MBD2: variants seen among roughly 807,000 people sequenced by gnomAD.
MBD2 encodes the protein methyl-CpG binding domain protein 2.
In MBD2, 9 loss-of-function variants were observed where a neutral mutation model predicts 39.3. The observed-to-expected ratio is 0.23, with a 90% confidence interval of 0.14 to 0.40. The LOEUF (loss-of-function observed/expected upper bound fraction) is 0.40, where lower values mean the gene tolerates loss of function less well. Among genes scored for constraint, MBD2 ranks in the 10% least tolerant of loss-of-function variants. MBD2 has a pLI of 1.00. For missense variants in MBD2, 458 were observed against 532.6 expected (o/e 0.86, Z 1.38); for synonymous variants, 233 against 211.1 (o/e 1.10, Z -0.90).
chr18:54,189,373 G>A (rs1251280726), intron 2 of MBD2, among the ~76,000 whole-genome samples: 1 of 148,512 alleles, frequency 6.7e-6, no homozygotes, highest in Non-Finnish European at 1.5e-5. Flanking sequence ...ACAGGCGCCC[G>A]CCACCAAGCC....
intron 3 of MBD2, among the ~76,000 whole-genome samples, chr18:54,177,512 G>A (rs147063077): frequency 1.3e-5 from 2 of 151,154 alleles, no homozygotes; most frequent in Non-Finnish European, 2.9e-5. Flanking sequence ...ACGGAGTCTC[G>A]CTCTGTCGCC....
chr18:54,207,173 C>G (rs900276419), intron 1 of MBD2, among the ~76,000 whole-genome samples: 1 of 152,186 alleles, frequency 6.6e-6, no homozygotes, highest in African/African-American at 2.4e-5. Flanking sequence ...GACTCTTTTC[C>G]CACCAGCTTT....
Position 54,176,597 on chromosome 18 carries a change from G to A in MBD2, c.841-10431C>T, listed in dbSNP as rs1411998665. 3.3e-5 allele frequency among the ~76,000 whole-genome samples: 5 copies of A among 152,202 alleles called. No individual in the cohort carries two copies. In the East Asian group the frequency reaches 7.7e-4, roughly 23 times the overall value. ...GACACTGGGTTAGGGCTACGTGGAT[G>A]AATGGTGTTTCCTGCCAAGAAGAAA... On this transcript the variant is annotated intron_variant, in intron 3 of 6. Coordinates refer to ENST00000256429, the MANE Select transcript of MBD2 (RefSeq NM_003927.5).
intron 3 of MBD2, among the ~76,000 whole-genome samples, chr18:54,175,832 C>T (rs1176336503): frequency 6.6e-6 from 1 of 152,204 alleles, no homozygotes; most frequent in African/African-American, 2.4e-5. Flanking sequence ...CGCCTGCCGT[C>T]AGGGGACTGA....
intron 2 of MBD2, chr18:54,203,203 T>C (rs2086422702): frequency 2.0e-6 from 3 of 1,478,010 alleles, no homozygotes; most frequent in East Asian, 2.3e-5. Context: ...ACACTTAACA[T>C]AACTAAACTG....
intron 6 of MBD2, among the ~76,000 whole-genome samples, chr18:54,157,975 G>A (rs1259008212): frequency 2.0e-5 from 3 of 152,102 alleles, no homozygotes; most frequent in East Asian, 3.9e-4. Flanking sequence ...CGAGACTACC[G>A]CAGCAACATC....
intron 3 of MBD2, among the ~76,000 whole-genome samples, chr18:54,169,506 C>G (rs1445450857): frequency 1.3e-5 from 2 of 152,194 alleles, no homozygotes; most frequent in Admixed American, 1.3e-4. Flanking sequence ...TTTGGCGATT[C>G]TGTTCACTTG....
chr18:54,198,333 T>G (rs1159544847), intron 2 of MBD2, among the ~76,000 whole-genome samples: 1 of 152,254 alleles, frequency 6.6e-6, no homozygotes, highest in Non-Finnish European at 1.5e-5. Flanking sequence ...TCACATCTTC[T>G]GCCAAGCTCC....
At chr18:54,204,157 G>C (rs1374897206) in intron 2 of MBD2, among the ~76,000 whole-genome samples, 1 of 152,178 alleles carries the variant, frequency 6.6e-6, no homozygotes, top group Middle Eastern at 3.2e-3. Context: ...TTAAGAAAGA[G>C]AGCCCCTACT....
At chr18:54,155,633 C>T (rs756797121) in intron 6 of MBD2, among the ~76,000 whole-genome samples, 2 of 152,100 alleles carry the variant, frequency 1.3e-5, no homozygotes, top group Admixed American at 6.5e-5. Context: ...AAAGGGCATA[C>T]AAATGAAAAA....
Position 54,164,669 on chromosome 18 carries a change from A to C in MBD2, c.963T>G (p.Leu321=), listed in dbSNP as rs777589902. The part of the protein sequence containing the change: ...GVGPGSNDET[L]LSAVASALHT... ...GCAAAGCACTGGCAACAGCAGATAA[A>C]AGGGTCTCATCATTGCTACCTGGAC... Residue 321 remains leucine (L), a synonymous_variant, in exon 5 of 7, where the codon CTT becomes CTG. Transcript: ENST00000256429. 1 of 1,613,062 alleles carries C rather than the reference A, an allele frequency of 6.2e-7. No homozygotes were observed. Among genetic ancestry groups the C allele is most frequent in the Middle Eastern group, 1.7e-4 (1 of 6,058 alleles).
Position 54,224,342 on chromosome 18 carries a change from A to G in MBD2, c.218T>C (p.Val73Ala). Residue 73 changes from valine to alanine, a missense_variant, in exon 1 of 7, where the codon GTC becomes GCC. Val to Ala is a moderately conservative substitution (Grantham distance 64). Coordinates refer to ENST00000256429, the MANE Select transcript of MBD2 (RefSeq NM_003927.5). The stretch of plus-strand genomic sequence containing the variant: ...GCCCCGGCCCCGGCCACGGCCACAG[A>G]CGCCGCCGCCCCGGCCCGCCTGCTT... ...RWKQAGRGGG[V>A]CGRGRGRGRG... 1 of 1,059,284 alleles carries G rather than the reference A, an allele frequency of 9.4e-7. No homozygotes were observed. Among genetic ancestry groups the G allele is most frequent in the Non-Finnish European group, 1.1e-6 (1 of 877,126 alleles). 65.6% of individuals were successfully genotyped at this position (1,059,284 alleles called of 1,614,324 possible).
intron 1 of MBD2, among the ~76,000 whole-genome samples, chr18:54,210,447 A>G (rs1218312275): frequency 6.6e-6 from 1 of 152,210 alleles, no homozygotes; most frequent in African/African-American, 2.4e-5. Context: ...TCTATGACAT[A>G]AAATTACATC....
At chr18:54,221,237 C>A (rs1335823184) in intron 1 of MBD2, among the ~76,000 whole-genome samples, 1 of 151,988 alleles carries the variant, frequency 6.6e-6, no homozygotes, top group Non-Finnish European at 1.5e-5. Flanking sequence ...GCGGGTGGAT[C>A]ACGAGGTCAG....
At chr18:54,223,677 G>A (rs534167322) in intron 1 of MBD2, among the ~76,000 whole-genome samples, 1 of 152,310 alleles carries the variant, frequency 6.6e-6, no homozygotes, top group South Asian at 2.1e-4. Flanking sequence ...GGCTGGGACA[G>A]GAGCCAACAG....
At chr18:54,185,126 C>A (rs1403928256) in intron 3 of MBD2, among the ~76,000 whole-genome samples, 1 of 152,156 alleles carries the variant, frequency 6.6e-6, no homozygotes, top group African/African-American at 2.4e-5. Flanking sequence ...CTTTAAACTG[C>A]ACATTTACAA....
intron 6 of MBD2, among the ~76,000 whole-genome samples, chr18:54,158,916 C>T (rs371216320): frequency 5.6e-4 from 85 of 152,276 alleles, no homozygotes; most frequent in African/African-American, 2.0e-3. Context: ...GCATGAGCCA[C>T]CAAACCCAGC....
chr18:54,155,868 A>T (rs2086048245), intron 6 of MBD2, among the ~76,000 whole-genome samples: 1 of 152,226 alleles, frequency 6.6e-6, no homozygotes, highest in Admixed American at 6.5e-5. Context: ...AGCTAAATAT[A>T]TTCACACCTT....
chr18:54,216,220 A>T (rs899818538), intron 1 of MBD2, among the ~76,000 whole-genome samples: 2 of 152,192 alleles, frequency 1.3e-5, no homozygotes, highest in African/African-American at 2.4e-5. Flanking sequence ...TATATACATC[A>T]ACACTACACA....
Sources: gnomAD v4.1 joint callset for allele counts (sites outside exome capture counted in the v4.1 genomes callset) on GRCh38, gnomAD v4.1.1 for gene constraint, MANE v1.5 for transcripts, NCBI Gene and HGNC (gene_info 2026-07-23, HGNC 2026-07-21) for gene names.